The following ANXA8 variants were observed in gnomAD, a reference collection of about 807,000 sequenced individuals.
The protein encoded by ANXA8 is VAC-beta.
A neutral mutation model predicts 26.8 loss-of-function variants in ANXA8; 9 were observed. That is an observed-to-expected ratio of 0.34 (90% CI 0.20 to 0.59). ANXA8 has a LOEUF of 0.59. ANXA8 is among the 20% of genes least tolerant of loss of function. ANXA8 has a pLI of 0.84. For synonymous variants in ANXA8, 39 were observed against 94.8 expected, an observed-to-expected ratio of 0.41 and a Z score of 3.42; for missense variants, 83 against 238.5, an observed-to-expected ratio of 0.35 and a Z score of 4.29.
the ANXA8 span, among the ~76,000 whole-genome samples, chr10:47,674,666 A>G: frequency 6.6e-6 from 1 of 151,838 alleles, no homozygotes; most frequent in African/African-American, 2.4e-5. Context: ...AAGTGTCTGT[A>G]TAAATTATTT....
At chr10:47,742,719 T>A in the ANXA8 span, among the ~76,000 whole-genome samples, 2 of 129,728 alleles carry the variant, frequency 1.5e-5, no homozygotes, top group African/African-American at 5.7e-5. Context: ...TGGGGAAAAA[T>A]TTAATGAAAG....
chr10:47,556,100 C>T, the ANXA8 span, among the ~76,000 whole-genome samples: 3 of 151,850 alleles, frequency 2.0e-5, 1 homozygote, highest in African/African-American at 7.3e-5. Context: ...GTATCAGGGA[C>T]AGACAGGGGT....
chr10:47,664,532 C>T, the ANXA8 span, among the ~76,000 whole-genome samples: 6 of 151,338 alleles, frequency 4.0e-5, no homozygotes, highest in East Asian at 1.2e-3. Context: ...CACGCCACTG[C>T]ACTCCAGCCT....
chr10:47,918,383 G>GAGAAAGAAAGAAAGAA, the ANXA8 span, among the ~76,000 whole-genome samples: 219 of 10,468 alleles, frequency 0.021, 18 homozygotes, highest in East Asian at 0.032. Context: ...GAGAGAGAGA[G>GAGAAAGAAAGAAAGAA]AGAAAGAAAG....
chr10:47,960,453 G>A, the ANXA8 span, among the ~76,000 whole-genome samples: 1 of 148,352 alleles, frequency 6.7e-6, no homozygotes, highest in Non-Finnish European at 1.5e-5. Context: ...GAGGGAGCCA[G>A]CATTTCTCTG....
the ANXA8 span, among the ~76,000 whole-genome samples, chr10:47,700,046 T>C: frequency 6.6e-6 from 1 of 151,950 alleles, no homozygotes; most frequent in Non-Finnish European, 1.5e-5. Flanking sequence ...TGTTCTTGGA[T>C]AGGATGACTC....
chr10:47,674,298 A>C, the ANXA8 span, among the ~76,000 whole-genome samples: 3 of 146,742 alleles, frequency 2.0e-5, no homozygotes, highest in African/African-American at 7.5e-5. Flanking sequence ...CACCTGGCTA[A>C]TTTTTTTTTT....
chr10:47,670,378 C>A, the ANXA8 span, among the ~76,000 whole-genome samples: 1 of 151,920 alleles, frequency 6.6e-6, no homozygotes, highest in Non-Finnish European at 1.5e-5. Flanking sequence ...GTATATAGCT[C>A]GGTGTGGAAT....
the ANXA8 span, among the ~76,000 whole-genome samples, chr10:47,568,259 G>A: frequency 5.5e-5 from 3 of 54,390 alleles, no homozygotes; most frequent in Admixed American, 1.8e-4. Flanking sequence ...ACTACTGACC[G>A]CAGGTGATCT....
chr10:47,957,259 C>T, the ANXA8 span, among the ~76,000 whole-genome samples: 21 of 150,416 alleles, frequency 1.4e-4, 1 homozygote, highest in African/African-American at 3.0e-4. Context: ...CCAACACACA[C>T]GTCAGTTGTG....
At chr10:47,497,864 A>G in the ANXA8 span, among the ~76,000 whole-genome samples, 1 of 151,576 alleles carries the variant, frequency 6.6e-6, no homozygotes, top group African/African-American at 2.4e-5. Flanking sequence ...ACTTGAACCC[A>G]GAAGGCAGAG....
At chr10:47,691,955 CT>C in the ANXA8 span, among the ~76,000 whole-genome samples, 10 of 89,168 alleles carry the variant, frequency 1.1e-4, no homozygotes, top group African/African-American at 4.1e-4. Context: ...GTTATTTTCT[CT>C]GTTCTCCTTA....
At chr10:47,522,157 G>C in the ANXA8 span, among the ~76,000 whole-genome samples, 1 of 140,646 alleles carries the variant, frequency 7.1e-6, no homozygotes, top group African/African-American at 2.7e-5. Flanking sequence ...GGGGAGCCAC[G>C]GCAACAAACA....
the ANXA8 span, among the ~76,000 whole-genome samples, chr10:47,525,802 A>ATT: frequency 0.033 from 2,640 of 80,030 alleles, 184 homozygotes; most frequent in Non-Finnish European, 0.051. Flanking sequence ...GCTGAACACT[A>ATT]TTTTTTTTTT....
At chr10:47,622,915 A>G in the ANXA8 span, among the ~76,000 whole-genome samples, 5 of 112,822 alleles carry the variant, frequency 4.4e-5, 2 homozygotes, top group African/African-American at 1.0e-4. Flanking sequence ...TCAATTGCCA[A>G]TTGTCTACTG....
At chr10:47,684,838 G>A in the ANXA8 span, among the ~76,000 whole-genome samples, 5 of 150,076 alleles carry the variant, frequency 3.3e-5, no homozygotes, top group African/African-American at 7.5e-5. Context: ...TGCCCACCTC[G>A]GCCTCCCAAA....
chr10:47,636,455 ACTTCTGTTGTTTC>A, the ANXA8 span, among the ~76,000 whole-genome samples: 2 of 145,292 alleles, frequency 1.4e-5, no homozygotes, highest in Admixed American at 1.4e-4. Flanking sequence ...AGGGACAGAA[ACTTCTGTTGTTTC>A]CTAAGTGTTT....
At chr10:47,488,633 T>A (rs1305317537), upstream of ANXA8, among the ~76,000 whole-genome samples, 15 of 148,164 alleles carry the variant, frequency 1.0e-4, no homozygotes, top group African/African-American at 3.8e-4. Context: ...AGGAATGAGA[T>A]ATACACATGC....
At chr10:47,951,272 C>T in the ANXA8 span, among the ~76,000 whole-genome samples, 117 of 150,876 alleles carry the variant, frequency 7.8e-4, 11 homozygotes, top group East Asian at 0.021. Context: ...GCTTTATAAC[C>T]GTTAAAGAAA....
Sources: allele counts gnomAD v4.1 joint callset (sites outside exome capture counted in the v4.1 genomes callset), GRCh38; gene constraint gnomAD v4.1.1; transcripts MANE v1.5; gene names NCBI Gene and HGNC (gene_info 2026-07-23, HGNC 2026-07-21).